SH3RF1: variants seen among roughly 807,000 people sequenced by gnomAD.
The protein encoded by SH3RF1 is E3 ubiquitin-protein ligase SH3RF1.
A neutral mutation model predicts 74.0 loss-of-function variants in SH3RF1; 32 were observed. The ratio of observed to expected loss-of-function variants is 0.43; its 90% CI spans 0.33 to 0.58. The LOEUF is 0.58. Among genes scored for constraint, SH3RF1 ranks in the 20% least tolerant of loss-of-function variants. The pLI is 0.05. For missense variants in SH3RF1, 954 were observed against 1,130.9 expected, an observed-to-expected ratio of 0.84 and a Z score of 2.24; for synonymous variants, 396 against 439.6, an observed-to-expected ratio of 0.90 and a Z score of 1.24.
At chr4:169,154,492 G>T (rs977591691) in intron 4 of SH3RF1, among the ~76,000 whole-genome samples, 23 of 152,140 alleles carry the variant, frequency 1.5e-4, no homozygotes, top group African/African-American at 5.1e-4. Flanking sequence ...ACATGCTTAA[G>T]ATCCGTGCTT....
rs530652662 is a variant in SH3RF1 at position 169,130,502 on chromosome 4, G to C, written c.1069-346C>G. 7.2e-5 allele frequency among the ~76,000 whole-genome samples: 11 copies of C among 152,286 alleles called. No homozygotes were observed. The East Asian group carries it at 1.7e-3, about 24-fold the overall frequency. ...CAATGGACAGCCTGGTGCTCAACTA[G>C]CCTCCTAACAATTTCCCTGAAGATC... On this transcript the variant is annotated intron_variant, in intron 5 of 11. Transcript: ENST00000284637.
chr4:169,184,670 G>A (rs771719595), intron 2 of SH3RF1, among the ~76,000 whole-genome samples: 3 of 152,208 alleles, frequency 2.0e-5, no homozygotes, highest in Non-Finnish European at 4.4e-5. Flanking sequence ...GTAGAGAAAA[G>A]ATTCCTGACT....
intron 2 of SH3RF1, among the ~76,000 whole-genome samples, chr4:169,196,538 T>G (rs1579131564): frequency 6.6e-6 from 1 of 152,236 alleles, no homozygotes; most frequent in Non-Finnish European, 1.5e-5. Context: ...CCAGGGAATT[T>G]AAACTTGTTC....
chr4:169,165,654 T>A (rs945132116), intron 2 of SH3RF1, among the ~76,000 whole-genome samples: 2 of 150,766 alleles, frequency 1.3e-5, no homozygotes, highest in Non-Finnish European at 2.9e-5. Context: ...GGGAGTCAGG[T>A]AAGGCCTCAG....
rs937761484 is a variant in SH3RF1 at position 169,209,771 on chromosome 4, T to C, written c.394-53092A>G. Among the ~76,000 whole-genome samples the C allele has an allele frequency of 2.6e-5, 4 of 152,162 alleles. No individual in the cohort carries two copies. In the East Asian group the frequency reaches 5.8e-4, roughly 22 times the overall value. ...GCAATTCATGCCATGCAATAAATGT[T>C]AACTGCTTTTTCTTCATGCCCTTTC... On this transcript the variant is annotated intron_variant, in intron 2 of 11. Coordinates refer to ENST00000284637, the MANE Select transcript of SH3RF1 (RefSeq NM_020870.4).
intron 2 of SH3RF1, among the ~76,000 whole-genome samples, chr4:169,200,288 A>G (rs916019293): frequency 1.3e-5 from 2 of 152,200 alleles, no homozygotes; most frequent in African/African-American, 4.8e-5. Context: ...TTTCACATAC[A>G]TATTTCCAAA....
chr4:169,114,141 C>T lies in SH3RF1; in HGVS notation c.2139+2128G>A, dbSNP rs561213290. ...ACTAGATGGTGCCGTAACAGGTTAACTCAAACTTTGTGGTAAAAATCGGGT... is the reference window on the plus strand; with the variant it reads ...ACTAGATGGTGCCGTAACAGGTTAATTCAAACTTTGTGGTAAAAATCGGGT... On this transcript the variant is annotated intron_variant, in intron 10 of 11. Coordinates refer to ENST00000284637, the MANE Select transcript of SH3RF1 (RefSeq NM_020870.4). Among the ~76,000 whole-genome samples, 8 of 152,294 alleles carry T rather than the reference C, an allele frequency of 5.3e-5. No individual in the cohort carries two copies. In the East Asian group the frequency reaches 1.5e-3, roughly 29 times the overall value.
At chr4:169,249,095 G>A (rs910862963) in intron 2 of SH3RF1, among the ~76,000 whole-genome samples, 3 of 152,206 alleles carry the variant, frequency 2.0e-5, no homozygotes, top group Non-Finnish European at 4.4e-5. Context: ...AGGCATGGTG[G>A]TGGGCGCCTG....
Position 169,112,580 on chromosome 4 carries a change from G to A in SH3RF1, c.2139+3689C>T, listed in dbSNP as rs192761255. On this transcript the variant is annotated intron_variant, in intron 10 of 11. Transcript: ENST00000284637. ...AACCATACAATTGCAAATCATCCCT[G>A]CAGATGAAAACATAGAGGCATCTAA... 1.5e-3 allele frequency among the ~76,000 whole-genome samples: 221 copies of A among 152,276 alleles called. 1 individual carries two copies. The highest frequency in any genetic ancestry group is 5.2e-3 in the African/African-American group (214 of 41,536).
intron 11 of SH3RF1, among the ~76,000 whole-genome samples, chr4:169,100,581 C>T (rs780139933): frequency 6.6e-6 from 1 of 152,064 alleles, no homozygotes; most frequent in Non-Finnish European, 1.5e-5. Context: ...ACCTGGTGAT[C>T]CACCCACCTT....
At chr4:169,096,832 T>C (rs1579079535) in intron 11 of SH3RF1, 145 bp from the exon 12 acceptor site, 1 of 826,096 alleles carries the variant, frequency 1.2e-6, no homozygotes, top group East Asian at 2.7e-5. Flanking sequence ...AATACTGCTA[T>C]TTTCTGTTTA....
chr4:169,222,580 T>A (rs948592715), intron 2 of SH3RF1, among the ~76,000 whole-genome samples: 2 of 151,212 alleles, frequency 1.3e-5, no homozygotes, highest in African/African-American at 4.8e-5. Context: ...TTTAAGATAA[T>A]AGAATTTCAT....
chr4:169,136,076 G>C (rs1198188034), intron 5 of SH3RF1, among the ~76,000 whole-genome samples: 1 of 152,184 alleles, frequency 6.6e-6, no homozygotes, highest in East Asian at 1.9e-4. Context: ...AACTCATCTT[G>C]TAAGTTCTGA....
chr4:169,179,655 A>G (rs1388942723), intron 2 of SH3RF1, among the ~76,000 whole-genome samples: 1 of 152,236 alleles, frequency 6.6e-6, no homozygotes, highest in Non-Finnish European at 1.5e-5. Context: ...GCTTGAAAAC[A>G]GAAAAGAAGG....
intron 2 of SH3RF1, among the ~76,000 whole-genome samples, chr4:169,212,150 C>T (rs57244109): frequency 0.38 from 56,775 of 147,748 alleles, 12,881 homozygotes; most frequent in East Asian, 0.71. Flanking sequence ...CTGCAACCCC[C>T]GCCTCCCGGG....
At chr4:169,101,831 G>A (rs1733042260) in intron 11 of SH3RF1, among the ~76,000 whole-genome samples, 1 of 152,074 alleles carries the variant, frequency 6.6e-6, no homozygotes, top group Admixed American at 6.5e-5. Context: ...GCCTCTTGGT[G>A]GCTGTGTGAC....
intron 6 of SH3RF1, among the ~76,000 whole-genome samples, chr4:169,124,865 C>A (rs1733499103): frequency 6.6e-6 from 1 of 152,040 alleles, no homozygotes. Context: ...TCCTGCAAGA[C>A]CTGAAATTTC....
intron 5 of SH3RF1, among the ~76,000 whole-genome samples, chr4:169,134,795 A>C (rs1375544318): frequency 6.6e-6 from 1 of 152,224 alleles, no homozygotes; most frequent in East Asian, 1.9e-4. Context: ...TTCATCCAAC[A>C]AATACATGTT....
At chr4:169,206,314 G>A (rs765477697) in intron 2 of SH3RF1, among the ~76,000 whole-genome samples, 25 of 152,122 alleles carry the variant, frequency 1.6e-4, no homozygotes, top group Non-Finnish European at 3.2e-4. Flanking sequence ...ATCCCCCTTT[G>A]CAATCATTTA....
Sources: allele counts gnomAD v4.1 joint callset (sites outside exome capture counted in the v4.1 genomes callset), GRCh38; gene constraint gnomAD v4.1.1; transcripts MANE v1.5; gene names NCBI Gene and HGNC (gene_info 2026-07-23, HGNC 2026-07-21).